Variants in PGM3 observed in about 807,000 individuals in gnomAD.
The protein encoded by PGM3 is phosphoacetylglucosamine mutase.
Under a neutral mutation model 66.2 loss-of-function variants are expected in PGM3, and 40 were observed. The observed-to-expected ratio is 0.60, with a 90% CI of 0.47 to 0.79. The LOEUF (loss-of-function observed/expected upper bound fraction) is 0.79. Among genes scored for constraint, PGM3 ranks in the 30% least tolerant of loss-of-function variants. The pLI, the probability that PGM3 is intolerant of heterozygous loss-of-function variation, is 0.00. For synonymous variants in PGM3, 191 were observed against 224.2 expected (o/e 0.85, Z 1.32); for missense variants, 537 against 643.4 (o/e 0.83, Z 1.79).
intron 10 of PGM3, 40 bp from the exon 11 acceptor site, chr6:83,172,099 A>C: frequency 6.2e-7 from 1 of 1,608,080 alleles, no homozygotes; most frequent in East Asian, 2.2e-5. Flanking sequence ...CACTTAACAC[A>C]AGCAAATCTT....
rs1421815485 is a variant in PGM3, at chr6:83,165,027, A to G, written c.*4207T>C. ...GCTCATCTTGATAGGAATAGAAACA[A>G]AAGGTTACCCCATAGTTCTCTTACA... On this transcript the variant is annotated 3_prime_UTR_variant, in exon 13 of 13. Transcript: ENST00000513973. The G allele has an allele frequency of 3.7e-6, 1 of 272,352 alleles. No individual in the cohort carries two copies. Among genetic ancestry groups the G allele is most frequent in the Non-Finnish European group, 6.9e-6 (1 of 145,248 alleles). The allele number at this position is 272,352 out of a possible 1,614,324, so 16.9% of individuals were successfully genotyped here.
the PGM3 span, chr6:83,151,669 T>G: frequency 1.3e-6 from 2 of 1,593,788 alleles, no homozygotes; most frequent in East Asian, 2.2e-5. Context: ...GGTAAGGCAG[T>G]CTAAGAGCTG....
At chr6:83,178,837 C>T in intron 7 of PGM3, 81 bp from the exon 8 acceptor site, 3 of 840,184 alleles carry the variant, frequency 3.6e-6, no homozygotes, top group Non-Finnish European at 6.1e-6. Context: ...CTAAAGGCTA[C>T]CAAAATTATC....
chr6:83,190,595 A>T, intron 2 of PGM3: 1 of 579,002 alleles, frequency 1.7e-6, no homozygotes, highest in Non-Finnish European at 3.1e-6. Flanking sequence ...ACTCCAAAAA[A>T]TGACAGTATC....
At chr6:83,156,025 A>G in the PGM3 span, 3 of 1,614,118 alleles carry the variant, frequency 1.9e-6, no homozygotes, top group Non-Finnish European at 2.5e-6. Flanking sequence ...ACAGAGAGCT[A>G]TGCTTCTTAA....
At chr6:83,148,964 C>CT in the PGM3 span, 1 of 654,136 alleles carries the variant, frequency 1.5e-6, no homozygotes, top group South Asian at 3.0e-5. Flanking sequence ...AGTGATCTCT[C>CT]TACCTTCTCA....
At chr6:83,183,505 A>G (rs2128499190) in intron 4 of PGM3, among the ~76,000 whole-genome samples, 1 of 152,350 alleles carries the variant, frequency 6.6e-6, no homozygotes, top group African/African-American at 2.4e-5. Context: ...ACCCAGTAGA[A>G]GACCAGACTC....
chr6:83,149,579 T>C, the PGM3 span, among the ~76,000 whole-genome samples: 2 of 152,060 alleles, frequency 1.3e-5, no homozygotes, highest in South Asian at 4.1e-4. Context: ...GGCAGGATCT[T>C]GAATTTTATT....
downstream of PGM3, among the ~76,000 whole-genome samples, chr6:83,162,544 GTACTT>G (rs1027706603): frequency 2.2e-4 from 34 of 152,202 alleles, no homozygotes; most frequent in African/African-American, 7.5e-4. Flanking sequence ...GTAATGATGA[GTACTT>G]TACAAGTTTT....
In PGM3 at chr6:83,170,288, G is replaced by C. The variant is rs770108815; in HGVS notation, c.1539+17C>G. 1.9e-6 allele frequency: 3 copies of C among 1,612,222 alleles called. No individual in the cohort carries two copies. The highest frequency in any genetic ancestry group is 4.5e-5 in the East Asian group (2 of 44,862). Reference sequence around the variant, plus strand: ...CCTAATATTAGGCTCTTTTTCAATAGAACTATCCCAGCTTACTTGTGAGTC... The same window carrying C: ...CCTAATATTAGGCTCTTTTTCAATACAACTATCCCAGCTTACTTGTGAGTC... On this transcript the variant is annotated intron_variant, in intron 12 of 12. Coordinates refer to ENST00000513973, the MANE Select transcript of PGM3 (RefSeq NM_015599.3).
At chr6:83,159,300 G>T (rs1228189524), downstream of PGM3, among the ~76,000 whole-genome samples, 3 of 151,860 alleles carry the variant, frequency 2.0e-5, no homozygotes, top group Non-Finnish European at 2.9e-5. Context: ...TTTAGACAGG[G>T]TCTCATCTTT....
At chr6:83,192,824 C>T (rs1434598483) in intron 1 of PGM3, among the ~76,000 whole-genome samples, 1 of 152,152 alleles carries the variant, frequency 6.6e-6, no homozygotes, top group Non-Finnish European at 1.5e-5. Context: ...AGCGTCCACG[C>T]AAAAAGTTAA....
At chr6:83,174,670 C>A (rs1218148784) in intron 9 of PGM3, among the ~76,000 whole-genome samples, 183 bp from the exon 10 acceptor site, 3 of 152,072 alleles carry the variant, frequency 2.0e-5, no homozygotes, top group Admixed American at 2.0e-4. Flanking sequence ...GAGGATAGTA[C>A]TAGGGGAAAA....
the PGM3 span, chr6:83,151,861 T>C: frequency 6.2e-7 from 1 of 1,611,374 alleles, no homozygotes; most frequent in Non-Finnish European, 8.5e-7. Context: ...CCATACATAG[T>C]TGTTCTTCCT....
In PGM3 at chr6:83,166,655, A is replaced by G; in HGVS notation, c.*2579T>C. On this transcript the variant is annotated 3_prime_UTR_variant, in exon 13 of 13. Transcript: ENST00000513973. Reference sequence around the variant, plus strand: ...ATAAAACGGCAAATTTCAACAATGCAAAAACCGCAATTACGTTTGCACCAA... The same window carrying G: ...ATAAAACGGCAAATTTCAACAATGCGAAAACCGCAATTACGTTTGCACCAA... 1.6e-6 allele frequency: 2 copies of G among 1,236,560 alleles called. No homozygotes were observed. Among genetic ancestry groups the G allele is most frequent in the Non-Finnish European group, 2.1e-6 (2 of 963,524 alleles). 76.6% of individuals were successfully genotyped at this position (1,236,560 alleles called of 1,614,324 possible).
At chr6:83,164,676 T>C, downstream of PGM3, 1 of 1,584,388 alleles carries the variant, frequency 6.3e-7, no homozygotes, top group Non-Finnish European at 8.6e-7. Flanking sequence ...GAGGAGGACT[T>C]TAAGACAGTG....
downstream of PGM3, among the ~76,000 whole-genome samples, chr6:83,162,188 G>A (rs1295544474): frequency 6.6e-6 from 1 of 152,092 alleles, no homozygotes; most frequent in Admixed American, 6.6e-5. Flanking sequence ...GCGGGGAGGG[G>A]AGACTGCCTT....
In PGM3 at chr6:83,167,409, T is replaced by G; in HGVS notation, c.*1825A>C. 1.0e-6 allele frequency: 1 copy of G among 982,112 alleles called. No homozygotes were observed. Among genetic ancestry groups the G allele is most frequent in the Non-Finnish European group, 1.2e-6 (1 of 826,724 alleles). 60.8% of individuals were successfully genotyped at this position (982,112 alleles called of 1,614,324 possible). ...TCATGGCAAATTTAGGCCATTTAGA[T>G]AAAAGGGAATTAACTAATTATAATA... On this transcript the variant is annotated 3_prime_UTR_variant, in exon 13 of 13. Coordinates refer to ENST00000513973, the MANE Select transcript of PGM3 (RefSeq NM_015599.3).
At chr6:83,172,134 A>C in intron 10 of PGM3, 75 bp from the exon 11 acceptor site, 1 of 1,468,418 alleles carries the variant, frequency 6.8e-7, no homozygotes, top group Non-Finnish European at 9.4e-7. Flanking sequence ...TTTCTTAGAA[A>C]ACCAATCACA....
Sources: allele counts gnomAD v4.1 joint callset (sites outside exome capture counted in the v4.1 genomes callset), GRCh38; gene constraint gnomAD v4.1.1; transcripts MANE v1.5; gene names NCBI Gene and HGNC (gene_info 2026-07-23, HGNC 2026-07-21).